The following SGMS1 variants were observed in gnomAD, a reference collection of about 807,000 sequenced individuals.
SGMS1 encodes the protein phosphatidylcholine:ceramide cholinephosphotransferase 1.
Under a neutral mutation model 46.2 loss-of-function variants are expected in SGMS1, and 13 were observed. That is an observed-to-expected ratio of 0.28 (90% CI 0.18 to 0.45). The LOEUF is 0.45. SGMS1 is among the 20% of genes least tolerant of loss of function. The pLI is 1.00. For missense variants in SGMS1, 324 were observed against 519.9 expected (o/e 0.62, Z 3.66); for synonymous variants, 203 against 187.8 (o/e 1.08, Z -0.66).
intron 5 of SGMS1, among the ~76,000 whole-genome samples, chr10:50,459,535 C>G (rs750592035): frequency 1.2e-4 from 18 of 152,172 alleles, no homozygotes; most frequent in Non-Finnish European, 1.9e-4. Flanking sequence ...TCCCAAGTAG[C>G]TGGGACTACA....
At chr10:50,615,889 C>T (rs531682696) in intron 1 of SGMS1, among the ~76,000 whole-genome samples, 34 of 152,274 alleles carry the variant, frequency 2.2e-4, no homozygotes, top group African/African-American at 7.9e-4. Flanking sequence ...ATAGAGTTCT[C>T]TAATTGTTTC....
At chr10:50,560,528 T>C (rs577086095) in intron 2 of SGMS1, among the ~76,000 whole-genome samples, 6 of 144,272 alleles carry the variant, frequency 4.2e-5, no homozygotes, top group African/African-American at 1.5e-4. Context: ...ATATAACACA[T>C]ATAATACATA....
intron 8 of SGMS1, among the ~76,000 whole-genome samples, chr10:50,315,975 C>A (rs117538817): frequency 6.6e-6 from 1 of 152,314 alleles, no homozygotes; most frequent in Non-Finnish European, 1.5e-5. Context: ...TTGAATGAGA[C>A]ACACTATCAG....
chr10:50,607,272 T>C (rs1236106430), intron 1 of SGMS1, among the ~76,000 whole-genome samples: 1 of 151,932 alleles, frequency 6.6e-6, no homozygotes, highest in Non-Finnish European at 1.5e-5. Flanking sequence ...TATGAGCCAC[T>C]GTACCTGGCC....
intron 6 of SGMS1, among the ~76,000 whole-genome samples, chr10:50,362,258 CAT>C (rs1193633050): frequency 1.3e-5 from 2 of 152,158 alleles, no homozygotes; most frequent in East Asian, 3.8e-4. Context: ...AAGAATTTCT[CAT>C]GTGTCAAAAG....
chr10:50,521,045 A>G (rs1308035021), intron 2 of SGMS1, among the ~76,000 whole-genome samples: 3 of 148,698 alleles, frequency 2.0e-5, no homozygotes, highest in Non-Finnish European at 4.5e-5. Flanking sequence ...TGCCCAGTTG[A>G]TTTTTTTTTT....
chr10:50,389,812 C>CA (rs147929294), intron 6 of SGMS1, among the ~76,000 whole-genome samples: 2,288 of 152,066 alleles, frequency 0.015, 65 homozygotes, highest in African/African-American at 0.053. Flanking sequence ...TTTGTTTGTA[C>CA]AAAAATAAAT....
At chr10:50,311,464 C>T (rs1282374552) in intron 8 of SGMS1, 49 bp from the exon 9 acceptor site, 5 of 1,571,666 alleles carry the variant, frequency 3.2e-6, no homozygotes, top group Middle Eastern at 3.4e-4. Context: ...TACGAGCCCA[C>T]ATGAAAATGT....
chr10:50,410,929 T>C (rs776166706), intron 6 of SGMS1, among the ~76,000 whole-genome samples: 1 of 152,264 alleles, frequency 6.6e-6, no homozygotes, highest in Non-Finnish European at 1.5e-5. Context: ...AATCAAGTTA[T>C]AGTTCTATAA....
At chr10:50,425,848 T>C (rs2133604408) in intron 6 of SGMS1, among the ~76,000 whole-genome samples, 1 of 152,388 alleles carries the variant, frequency 6.6e-6, no homozygotes. Flanking sequence ...ATCTGAGGTG[T>C]GCAAGTTAAA....
intron 2 of SGMS1, among the ~76,000 whole-genome samples, chr10:50,586,968 A>G (rs1488224631): frequency 2.6e-5 from 4 of 152,372 alleles, no homozygotes; most frequent in Admixed American, 6.5e-5. Context: ...AAAATGAGCA[A>G]TCAATAACTA....
In SGMS1 at chr10:50,489,913, G is replaced by T. The variant is rs184112153; in HGVS notation, c.-497-22981C>A. Among the ~76,000 whole-genome samples the T allele has an allele frequency of 4.5e-3, 687 of 152,304 alleles. 2 individuals carry two copies. The highest frequency in any genetic ancestry group is 7.3e-3 in the Non-Finnish European group (495 of 68,018). ...GGCTTGAACCCAGGAGGTGGAGGTTGCAGTGAGCTGAGATGGTGCCACTGC... is the reference window on the plus strand; with the variant it reads ...GGCTTGAACCCAGGAGGTGGAGGTTTCAGTGAGCTGAGATGGTGCCACTGC... On this transcript the variant is annotated intron_variant, in intron 3 of 10. Transcript: ENST00000361781.
chr10:50,376,575 C>G (rs1848524945), intron 6 of SGMS1, among the ~76,000 whole-genome samples: 1 of 152,172 alleles, frequency 6.6e-6, no homozygotes, highest in Non-Finnish European at 1.5e-5. Flanking sequence ...AATGCTATCC[C>G]TCCCTGCTCC....
chr10:50,384,465 C>T (rs1848652909), intron 6 of SGMS1, among the ~76,000 whole-genome samples: 1 of 148,662 alleles, frequency 6.7e-6, no homozygotes, highest in South Asian at 2.1e-4. Flanking sequence ...TCCTTCCTTC[C>T]TTCCTTCCCT....
chr10:50,556,628 C>T (rs1486936680), intron 2 of SGMS1, among the ~76,000 whole-genome samples: 1 of 152,092 alleles, frequency 6.6e-6, no homozygotes. Flanking sequence ...AGAGAGACCC[C>T]GTAGGCCCGC....
At chr10:50,346,129 A>G (rs1178816121) in intron 6 of SGMS1, among the ~76,000 whole-genome samples, 2 of 152,206 alleles carry the variant, frequency 1.3e-5, no homozygotes, top group Non-Finnish European at 2.9e-5. Context: ...CCATTATGTG[A>G]GCTTCAGCTT....
At position 50,457,740 on chromosome 10, in the gene SGMS1, T is replaced by A. The variant is rs184025526; in HGVS notation, c.-313+2933A>T. Among the ~76,000 whole-genome samples the A allele has an allele frequency of 2.6e-5, 4 of 152,346 alleles. No homozygotes were observed. In the East Asian group the frequency reaches 7.7e-4, roughly 29 times the overall value. On this transcript the variant is annotated intron_variant, in intron 5 of 10. Coordinates refer to ENST00000361781, the MANE Select transcript of SGMS1 (RefSeq NM_147156.4). ...TGCATCCATGTTACTGCAAAGGACA[T>A]GATTTCATTCTTTTTTATGGCTGTA...
intron 7 of SGMS1, among the ~76,000 whole-genome samples, chr10:50,328,755 C>T (rs1354596417): frequency 3.3e-5 from 5 of 152,140 alleles, no homozygotes; most frequent in Admixed American, 1.3e-4. Context: ...TGAATTTATT[C>T]AGCATAAAGC....
intron 1 of SGMS1, among the ~76,000 whole-genome samples, chr10:50,611,547 AC>A (rs1343798167): frequency 6.6e-6 from 1 of 152,134 alleles, no homozygotes; most frequent in East Asian, 1.9e-4. Context: ...TTGCATTACT[AC>A]CTCACCAGTG....
Sources: allele counts gnomAD v4.1 joint callset (sites outside exome capture counted in the v4.1 genomes callset), GRCh38; gene constraint gnomAD v4.1.1; transcripts MANE v1.5; gene names NCBI Gene and HGNC (gene_info 2026-07-23, HGNC 2026-07-21).